The following KCNMA1 variants were observed in gnomAD, a reference collection of about 807,000 sequenced individuals.
The protein encoded by KCNMA1 is potassium calcium-activated channel subfamily M alpha 1, also known as Calcium-activated potassium channel subunit alpha-1.
Under a neutral mutation model 140.0 loss-of-function variants are expected in KCNMA1, and 29 were observed. The observed-to-expected ratio is 0.21, with a 90% confidence interval of 0.15 to 0.28. KCNMA1 has a LOEUF of 0.28. KCNMA1 is among the 10% of genes least tolerant of loss of function. KCNMA1 has a pLI of 1.00. For synonymous variants in KCNMA1, 612 were observed against 611.9 expected (o/e 1.00, Z 0.00); for missense variants, 880 against 1,602.2 (o/e 0.55, Z 7.70).
intron 25 of KCNMA1, among the ~76,000 whole-genome samples, chr10:76,895,139 C>A (rs7071425): frequency 0.75 from 113,386 of 152,056 alleles, 42,976 homozygotes; most frequent in African/African-American, 0.87. Context: ...CGGTGCATGC[C>A]GCCCCTAGTC....
chr10:77,065,023 C>T (rs2095876496), intron 14 of KCNMA1, among the ~76,000 whole-genome samples: 1 of 152,212 alleles, frequency 6.6e-6, no homozygotes, highest in Non-Finnish European at 1.5e-5. Flanking sequence ...ACCAAAATCA[C>T]ACCAAATTAC....
intron 1 of KCNMA1, among the ~76,000 whole-genome samples, chr10:77,598,959 G>A (rs1251448073): frequency 3.3e-5 from 5 of 152,224 alleles, no homozygotes; most frequent in Admixed American, 2.6e-4. Flanking sequence ...AGGTGGGGTG[G>A]GTAGAAAGCA....
At chr10:77,258,533 C>T (rs1358609996) in intron 2 of KCNMA1, among the ~76,000 whole-genome samples, 2 of 152,160 alleles carry the variant, frequency 1.3e-5, no homozygotes, top group Non-Finnish European at 2.9e-5. Context: ...TTTTTGCAGG[C>T]TTTAGCCTTC....
chr10:77,507,332 G>A (rs949779736), intron 1 of KCNMA1, among the ~76,000 whole-genome samples: 1 of 152,128 alleles, frequency 6.6e-6, no homozygotes, highest in Admixed American at 6.5e-5. Flanking sequence ...ATGGAGAAGA[G>A]CAACGTGGAG....
At chr10:77,283,418 C>T (rs1401855701) in intron 2 of KCNMA1, among the ~76,000 whole-genome samples, 2 of 152,174 alleles carry the variant, frequency 1.3e-5, no homozygotes, top group African/African-American at 2.4e-5. Context: ...AGGAGAAACA[C>T]CAGTGGTCCC....
chr10:77,017,444 G>T (rs746494979), intron 17 of KCNMA1, among the ~76,000 whole-genome samples: 1 of 152,144 alleles, frequency 6.6e-6, no homozygotes, highest in Admixed American at 6.5e-5. Context: ...CAGTTCTCAG[G>T]ATACTCTTGA....
intron 1 of KCNMA1, among the ~76,000 whole-genome samples, chr10:77,511,317 A>G (rs1483844573): frequency 1.3e-5 from 2 of 152,262 alleles, no homozygotes; most frequent in Admixed American, 6.5e-5. Context: ...ATACAGGACC[A>G]TACAGGAAAT....
At chr10:77,197,714 C>A (rs531476089) in intron 3 of KCNMA1, among the ~76,000 whole-genome samples, 20 of 152,214 alleles carry the variant, frequency 1.3e-4, no homozygotes, top group Non-Finnish European at 2.4e-4. Flanking sequence ...TCTGGTTAAC[C>A]TGGAGGCGAC....
chr10:77,150,561 A>T (rs1266357605), intron 5 of KCNMA1, among the ~76,000 whole-genome samples: 1 of 152,248 alleles, frequency 6.6e-6, no homozygotes, highest in East Asian at 1.9e-4. Flanking sequence ...ACCAAAAATA[A>T]AAGCAAAACT....
At chr10:77,231,672 C>T (rs1190967434) in intron 3 of KCNMA1, among the ~76,000 whole-genome samples, 1 of 145,992 alleles carries the variant, frequency 6.8e-6, no homozygotes, top group African/African-American at 2.8e-5. Context: ...CCAGCATGTG[C>T]TCACACCCCA....
intron 25 of KCNMA1, chr10:76,902,711 A>ATACCTGCTT (rs2046040058): frequency 6.6e-6 from 1 of 152,212 alleles, no homozygotes; most frequent in Non-Finnish European, 1.5e-5. Flanking sequence ...GTGGCTTTTA[A>ATACCTGCTT]TACCTGCTTT....
intron 5 of KCNMA1, among the ~76,000 whole-genome samples, chr10:77,141,436 G>C (rs1227671897): frequency 6.6e-6 from 1 of 152,138 alleles, no homozygotes; most frequent in Admixed American, 6.6e-5. Context: ...GATGAGATTA[G>C]TGCCATTATA....
chr10:77,026,214 A>C (rs1006403089), intron 16 of KCNMA1, among the ~76,000 whole-genome samples: 41 of 152,270 alleles, frequency 2.7e-4, no homozygotes, highest in Middle Eastern at 3.4e-3. Flanking sequence ...AAAAGGCAAC[A>C]AGTGAAAGAC....
intron 2 of KCNMA1, among the ~76,000 whole-genome samples, chr10:77,276,601 C>T (rs1808158735): frequency 6.6e-6 from 1 of 152,138 alleles, no homozygotes; most frequent in Non-Finnish European, 1.5e-5. Context: ...TCAGCAGGTA[C>T]TCAATTCGAG....
intron 1 of KCNMA1, among the ~76,000 whole-genome samples, chr10:77,514,436 C>T (rs918760123): frequency 6.6e-6 from 1 of 152,148 alleles, no homozygotes; most frequent in African/African-American, 2.4e-5. Flanking sequence ...CAAGTTCAGC[C>T]TCTTCCTCCA....
chr10:77,413,928 C>T (rs546214744), intron 1 of KCNMA1, among the ~76,000 whole-genome samples: 1 of 152,330 alleles, frequency 6.6e-6, no homozygotes, highest in South Asian at 2.1e-4. Context: ...TGTGAGTTTA[C>T]TGGGTGTCTC....
At chr10:76,978,983 C>A (rs991588237) in intron 19 of KCNMA1, among the ~76,000 whole-genome samples, 1 of 152,070 alleles carries the variant, frequency 6.6e-6, no homozygotes, top group Non-Finnish European at 1.5e-5. Flanking sequence ...TTGCATGAAA[C>A]TATCATTTAT....
intron 3 of KCNMA1, among the ~76,000 whole-genome samples, chr10:77,238,898 C>G (rs555946875): frequency 6.6e-6 from 1 of 152,150 alleles, no homozygotes; most frequent in African/African-American, 2.4e-5. Context: ...ACAAAAGAAC[C>G]ACCACCAGTC....
At chr10:76,976,020 T>C (rs2077404277) in intron 19 of KCNMA1, among the ~76,000 whole-genome samples, 1 of 152,158 alleles carries the variant, frequency 6.6e-6, no homozygotes, top group Non-Finnish European at 1.5e-5. Flanking sequence ...AACCACATTA[T>C]CATATACATT....
Sources: allele counts gnomAD v4.1 joint callset (sites outside exome capture counted in the v4.1 genomes callset), GRCh38; gene constraint gnomAD v4.1.1; transcripts MANE v1.5; gene names NCBI Gene and HGNC (gene_info 2026-07-23, HGNC 2026-07-21).